Variants in DNAJC6 observed in about 807,000 individuals in gnomAD.
DNAJC6 encodes the protein auxilin.
A neutral mutation model predicts 110.0 loss-of-function variants in DNAJC6; 34 were observed. The observed-to-expected ratio is 0.31, with a 90% CI of 0.24 to 0.41. The LOEUF (loss-of-function observed/expected upper bound fraction) is 0.41, where lower values mean the gene tolerates loss of function less well. Among genes scored for constraint, DNAJC6 ranks in the 10% least tolerant of loss-of-function variants. DNAJC6 has a pLI of 1.00. For synonymous variants in DNAJC6, 406 were observed against 437.2 expected, an observed-to-expected ratio of 0.93 and a Z score of 0.89; for missense variants, 1,031 against 1,207.8, an observed-to-expected ratio of 0.85 and a Z score of 2.17.
chr1:65,270,524 C>G (rs1456609771), intron 1 of DNAJC6, among the ~76,000 whole-genome samples: 3 of 152,036 alleles, frequency 2.0e-5, no homozygotes, highest in African/African-American at 7.2e-5. Flanking sequence ...AAGATTAGAG[C>G]AGTCTGCAAC....
intron 1 of DNAJC6, among the ~76,000 whole-genome samples, chr1:65,352,560 C>A (rs1645501825): frequency 6.6e-6 from 1 of 152,188 alleles, no homozygotes; most frequent in Non-Finnish European, 1.5e-5. Flanking sequence ...ACTGTATATT[C>A]CTAGCATGGT....
intron 1 of DNAJC6, among the ~76,000 whole-genome samples, chr1:65,330,614 G>A (rs770807661): frequency 2.0e-4 from 31 of 152,090 alleles, no homozygotes; most frequent in East Asian, 3.9e-4. Flanking sequence ...GACTACAGGC[G>A]CCGCCACCAT....
chr1:65,405,461 T>A lies in DNAJC6; in HGVS notation c.2228-409T>A, dbSNP rs7526228. 5.1e-3 allele frequency among the ~76,000 whole-genome samples: 777 copies of A among 152,302 alleles called. 8 individuals are homozygous for A. Among genetic ancestry groups the A allele is most frequent in the African/African-American group, 0.016 (680 of 41,552 alleles). On this transcript the variant is annotated intron_variant, in intron 15 of 18. Coordinates refer to ENST00000371069, the MANE Select transcript of DNAJC6 (RefSeq NM_001256864.2). ...ATTCTTGTCATTTGGTGGTTTTTTT[T>A]AAATTTTATTCTAGTGAAGAAACAG...
intron 14 of DNAJC6, 91 bp downstream of exon 14, chr1:65,398,972 GCCTA>G: frequency 7.7e-7 from 1 of 1,300,908 alleles, no homozygotes. Flanking sequence ...GAGTATTGTG[GCCTA>G]CCTGTGTAAT....
intron 2 of DNAJC6, among the ~76,000 whole-genome samples, chr1:65,365,033 A>T (rs1645632809): frequency 1.3e-5 from 2 of 152,170 alleles, no homozygotes; most frequent in South Asian, 2.1e-4. Context: ...TTAGAATCAA[A>T]CATCTTGGGT....
chr1:65,388,426 G>C lies in DNAJC6; in HGVS notation c.1193+11G>C. 1 of 1,612,676 alleles carries C rather than the reference G, an allele frequency of 6.2e-7. No homozygotes were observed. The highest frequency in any genetic ancestry group is 8.5e-7 in the Non-Finnish European group (1 of 1,178,890). ...TTTAAAGTTCACCAAGTAAGTACTG[G>C]TTGGGCCAAAAGTCTATTTGAATCA... On this transcript the variant is annotated intron_variant, in intron 9 of 18. Transcript: ENST00000371069.
intron 17 of DNAJC6, among the ~76,000 whole-genome samples, chr1:65,409,252 A>G (rs182472875): frequency 8.0e-4 from 122 of 152,314 alleles, no homozygotes; most frequent in African/African-American, 2.8e-3. Context: ...CATATCACCT[A>G]TAAAAGGCAT....
intron 4 of DNAJC6, among the ~76,000 whole-genome samples, chr1:65,369,308 C>T (rs1482105490): frequency 3.3e-5 from 5 of 152,272 alleles, no homozygotes; most frequent in South Asian, 2.1e-4. Flanking sequence ...TTTTGATTTG[C>T]CTACATCTCT....
At chr1:65,319,637 C>A (rs907885855) in intron 1 of DNAJC6, among the ~76,000 whole-genome samples, 6 of 151,324 alleles carry the variant, frequency 4.0e-5, no homozygotes, top group Non-Finnish European at 8.8e-5. Context: ...ATAAAAAAAA[C>A]AAAAAACAAA....
In DNAJC6 at chr1:65,405,888, G is replaced by T; in HGVS notation, c.2246G>T (p.Ser749Ile). The change falls in exon 16 of 19, where the codon AGC becomes ATC. Residue 749 changes from serine to isoleucine, a missense_variant. Transcript: ENST00000371069. The stretch of plus-strand genomic sequence containing the variant: ...TCTTTAGGTAGTTCTTCCTTTGCCA[G>T]CAAACCCACCACACCAACTGGATTG... ...LGTLGSSSFASKPTTPTGLGG... is the reference protein window; with the variant it reads ...LGTLGSSSFAIKPTTPTGLGG... The T allele has an allele frequency of 6.2e-7, 1 of 1,603,088 alleles. No homozygotes were observed. Among genetic ancestry groups the T allele is most frequent in the Non-Finnish European group, 8.5e-7 (1 of 1,174,132 alleles).
chr1:65,380,740 G>A (rs902818150), intron 5 of DNAJC6, among the ~76,000 whole-genome samples: 9 of 151,604 alleles, frequency 5.9e-5, no homozygotes, highest in African/African-American at 2.2e-4. Context: ...TCTTCATAAA[G>A]AATAAAAACC....
rs753027980 is a variant in DNAJC6, at chr1:65,401,723, C to A, written c.2108-38C>A. The A allele has an allele frequency of 3.8e-6, 6 of 1,592,432 alleles. No homozygotes were observed. The African/African-American group carries it at 5.5e-5, about 15-fold the overall frequency. ...CTGAATTTCACAATTCAGCCTCAAA[C>A]AACTAACTCATTTTCAATGACCTTA... On this transcript the variant is annotated intron_variant, in intron 14 of 18. Transcript: ENST00000371069.
intron 1 of DNAJC6, among the ~76,000 whole-genome samples, chr1:65,283,639 A>C (rs1247652021): frequency 6.6e-6 from 1 of 152,236 alleles, no homozygotes; most frequent in Non-Finnish European, 1.5e-5. Context: ...CCTGTGTGAA[A>C]GTAAGTCTTC....
At chr1:65,316,149 G>T (rs770040023) in intron 1 of DNAJC6, among the ~76,000 whole-genome samples, 2 of 152,088 alleles carry the variant, frequency 1.3e-5, no homozygotes, top group Non-Finnish European at 2.9e-5. Context: ...AAAATCCAAG[G>T]TATTCTTAAC....
At chr1:65,374,482 G>A (rs1570343950) in intron 4 of DNAJC6, among the ~76,000 whole-genome samples, 2 of 151,940 alleles carry the variant, frequency 1.3e-5, no homozygotes, top group Admixed American at 1.3e-4. Flanking sequence ...TTCTTCTTGT[G>A]TAGATCTTTC....
At chr1:65,332,139 T>A (rs942965183) in intron 1 of DNAJC6, among the ~76,000 whole-genome samples, 7 of 152,190 alleles carry the variant, frequency 4.6e-5, no homozygotes, top group Admixed American at 2.0e-4. Context: ...CTTTGCTTTT[T>A]AAATTTTTTT....
chr1:65,340,036 G>A (rs1180029999), intron 1 of DNAJC6, among the ~76,000 whole-genome samples: 1 of 152,216 alleles, frequency 6.6e-6, no homozygotes, highest in African/African-American at 2.4e-5. Context: ...GTCACCCAGA[G>A]TTCATGGGAC....
At chr1:65,379,692 C>T in intron 5 of DNAJC6, 168 bp downstream of exon 5, 2 of 1,029,538 alleles carry the variant, frequency 1.9e-6, no homozygotes, top group Non-Finnish European at 2.8e-6. Flanking sequence ...ATTTATTATT[C>T]TTGACTTAAA....
chr1:65,374,705 A>G (rs1557548627), intron 4 of DNAJC6, among the ~76,000 whole-genome samples: 1 of 152,156 alleles, frequency 6.6e-6, no homozygotes, highest in Non-Finnish European at 1.5e-5. Context: ...TTTTCTAGCC[A>G]TAAGATCATG....
Sources: allele counts gnomAD v4.1 joint callset (sites outside exome capture counted in the v4.1 genomes callset), GRCh38; gene constraint gnomAD v4.1.1; transcripts MANE v1.5; gene names NCBI Gene and HGNC (gene_info 2026-07-23, HGNC 2026-07-21).